Variants in NDEL1 observed in about 807,000 individuals in gnomAD.
NDEL1 encodes the protein nuclear distribution protein nudE-like 1.
Under a neutral mutation model 45.7 loss-of-function variants are expected in NDEL1, and 9 were observed. The observed-to-expected ratio is 0.20, with a 90% CI of 0.12 to 0.34. The LOEUF (loss-of-function observed/expected upper bound fraction) is 0.34, where lower values mean the gene tolerates loss of function less well. Among genes scored for constraint, NDEL1 ranks in the 10% least tolerant of loss-of-function variants. The pLI is 1.00. For missense variants in NDEL1, 306 were observed against 406.2 expected (o/e 0.75, Z 2.12); for synonymous variants, 133 against 158.6 (o/e 0.84, Z 1.21).
At chr17:8,450,294 A>AG (rs1355938703) in intron 5 of NDEL1, among the ~76,000 whole-genome samples, 1 of 145,490 alleles carries the variant, frequency 6.9e-6, no homozygotes, top group Non-Finnish European at 1.6e-5. Flanking sequence ...GTCTCAAAAA[A>AG]AAAAAAAAAC....
chr17:8,470,253 G>A (rs572250883), downstream of NDEL1, among the ~76,000 whole-genome samples: 146 of 152,154 alleles, frequency 9.6e-4, 2 homozygotes, highest in African/African-American at 3.3e-3. This position sits in a 1 kb window ranked among gnomAD's most constrained non-coding sequence, Gnocchi z 4.2. Flanking sequence ...TGGAGCTGCC[G>A]GGTACCTGGT....
At chr17:8,455,344 T>C (rs1910763210) in intron 7 of NDEL1, among the ~76,000 whole-genome samples, 1 of 152,212 alleles carries the variant, frequency 6.6e-6, no homozygotes, top group Admixed American at 6.5e-5. Context: ...TCAACTTCAG[T>C]GCCTTCTCCT....
At chr17:8,473,002 T>C (rs1211183976), downstream of NDEL1, among the ~76,000 whole-genome samples, 2 of 152,184 alleles carry the variant, frequency 1.3e-5, no homozygotes, top group African/African-American at 4.8e-5. Context: ...CAACGAAGGT[T>C]GTATAAACTA....
chr17:8,435,786 A>AGCCCCGCCCCAC (rs1909263698), upstream of NDEL1: 4 of 370,856 alleles, frequency 1.1e-5, no homozygotes, highest in Middle Eastern at 9.1e-4. Context: ...CCCCTGTGAC[A>AGCCCCGCCCCAC]CCAGCCCCGC....
intron 8 of NDEL1, chr17:8,466,597 G>T (rs1263517285): frequency 1.7e-5 from 4 of 240,808 alleles, no homozygotes; most frequent in African/African-American, 6.8e-5. Context: ...ATATCTTATT[G>T]TTCAGTTGTA....
chr17:8,439,928 CA>C (rs1056732717), intron 1 of NDEL1, among the ~76,000 whole-genome samples: 1 of 152,134 alleles, frequency 6.6e-6, no homozygotes, highest in African/African-American at 2.4e-5. Context: ...CAAGGTCACC[CA>C]AGTAGTGAGT....
In NDEL1 at chr17:8,435,963, A is replaced by G. The variant is rs1409542418; in HGVS notation, c.-95A>G. 2.2e-6 allele frequency: 1 copy of G among 448,054 alleles called. No individual in the cohort carries two copies. The highest frequency in any genetic ancestry group is 4.5e-6 in the Non-Finnish European group (1 of 223,686). The allele number at this position is 448,054 out of a possible 1,614,324, so 27.8% of individuals were successfully genotyped here. A position where few individuals can be genotyped will look rare whatever the true frequency, so the allele number is the denominator to read the frequency against. On this transcript the variant is annotated 5_prime_UTR_variant, in exon 1 of 9. Coordinates refer to ENST00000334527, the MANE Select transcript of NDEL1 (RefSeq NM_030808.5). ...GGGGCTGCGTAGGGGAGCTGAGCCG[A>G]GCGGCTGGGCGGGCCTGGCCGGGCC... is the stretch of plus-strand genomic sequence containing the variant.
In NDEL1 at chr17:8,445,916, G is replaced by A. The variant is rs370542882; in HGVS notation, c.240+52G>A. 1.4e-5 allele frequency: 19 copies of A among 1,366,118 alleles called. No homozygotes were observed. The African/African-American group carries it at 2.7e-4, about 19-fold the overall frequency. The allele number at this position is 1,366,118 out of a possible 1,614,324, so 84.6% of individuals were successfully genotyped here. On this transcript the variant is annotated intron_variant, in intron 3 of 8. Coordinates refer to ENST00000334527, the MANE Select transcript of NDEL1 (RefSeq NM_030808.5). The stretch of plus-strand genomic sequence containing the variant: ...CTAATGTGTTGAGTTTTATTAAAAT[G>A]AGAAATATGTTTTTCAGGTGCTTAA...
At chr17:8,456,359 CAT>C (rs1263985018) in intron 7 of NDEL1, among the ~76,000 whole-genome samples, 2 of 152,098 alleles carry the variant, frequency 1.3e-5, no homozygotes, top group African/African-American at 4.8e-5. Flanking sequence ...AACTTGAAAT[CAT>C]GTGCTTATTT....
chr17:8,470,273 C>T (rs986986554), downstream of NDEL1, among the ~76,000 whole-genome samples: 1 of 152,096 alleles, frequency 6.6e-6, no homozygotes, highest in African/African-American at 2.4e-5. This position sits in a 1 kb window ranked among gnomAD's most constrained non-coding sequence, Gnocchi z 4.2. Context: ...TTTTGCATGG[C>T]TCTCCATGAA....
At chr17:8,441,564 A>G (rs921659460) in intron 1 of NDEL1, among the ~76,000 whole-genome samples, 2 of 152,222 alleles carry the variant, frequency 1.3e-5, no homozygotes, top group African/African-American at 4.8e-5. Flanking sequence ...TTATATAAGG[A>G]TCAGGACTTT....
downstream of NDEL1, among the ~76,000 whole-genome samples, chr17:8,472,190 T>G (rs2151748360): frequency 6.6e-6 from 1 of 152,306 alleles, no homozygotes; most frequent in East Asian, 1.9e-4. Flanking sequence ...CCTGGGTCGG[T>G]CATACCCAGA....
At chr17:8,457,058 C>T (rs1290476827) in intron 7 of NDEL1, among the ~76,000 whole-genome samples, 1 of 152,172 alleles carries the variant, frequency 6.6e-6, no homozygotes, top group African/African-American at 2.4e-5. Context: ...GAATTTTGTT[C>T]TTTAACTGTA....
chr17:8,432,844 A>G (rs1909052208), upstream of NDEL1, among the ~76,000 whole-genome samples: 1 of 152,182 alleles, frequency 6.6e-6, no homozygotes. Flanking sequence ...GGTCTCTCTG[A>G]TGAAGGTTTC....
rs1264645053 is a variant in NDEL1, at chr17:8,444,342, T to C, written c.71T>C (p.Leu24Ser). The C allele has an allele frequency of 6.2e-7, 1 of 1,611,842 alleles. No homozygotes were observed. Among genetic ancestry groups the C allele is most frequent in the African/African-American group, 1.3e-5 (1 of 74,880 alleles). Residue 24 changes from leucine (L) to serine (S), a missense_variant, in exon 2 of 9, where the codon TTG becomes TCG. By Grantham distance (145) the Leu-to-Ser change is moderately radical. Around this residue, in one of 3 missense-constraint regions of NDEL1, gnomAD observed 112 missense variants for 148.3 expected, o/e 0.76. Coordinates refer to ENST00000334527, the MANE Select transcript of NDEL1 (RefSeq NM_030808.5). The part of the protein sequence containing the change: ...EETAYWKELS[L>S]KYKQSFQEAR... ...ACTGCTTATTGGAAGGAACTTTCCTTGAAGTATAAGCAAAGGTAATGTTGG... is the reference window on the plus strand; with the variant it reads ...ACTGCTTATTGGAAGGAACTTTCCTCGAAGTATAAGCAAAGGTAATGTTGG...
chr17:8,426,506 T>A (rs1164589833), intron 1 of NDEL1, among the ~76,000 whole-genome samples: 1 of 152,202 alleles, frequency 6.6e-6, no homozygotes, highest in Non-Finnish European at 1.5e-5. Context: ...CCCTTGGGGT[T>A]GCCAGGTGTT....
At chr17:8,463,370 T>C in intron 8 of NDEL1, 4 of 1,612,080 alleles carry the variant, frequency 2.5e-6, no homozygotes, top group Non-Finnish European at 3.4e-6. Context: ...TGAATTTGTT[T>C]GCTGTGCTCT....
chr17:8,457,269 T>C (rs1910903433), intron 7 of NDEL1, among the ~76,000 whole-genome samples: 1 of 152,238 alleles, frequency 6.6e-6, no homozygotes, highest in East Asian at 1.9e-4. Flanking sequence ...TGCTGCATTG[T>C]TGTCGCCCTC....
chr17:8,448,210 A>G (rs1253067328), intron 4 of NDEL1, among the ~76,000 whole-genome samples: 1 of 152,236 alleles, frequency 6.6e-6, no homozygotes, highest in African/African-American at 2.4e-5. Context: ...AAACTCTTAC[A>G]TATATTACAA....
Sources: allele counts gnomAD v4.1 joint callset (sites outside exome capture counted in the v4.1 genomes callset), GRCh38; gene constraint gnomAD v4.1.1; regional missense constraint gnomAD v4.1.1; non-coding constraint Gnocchi (gnomAD v3.1); transcripts MANE v1.5; gene names NCBI Gene and HGNC (gene_info 2026-07-23, HGNC 2026-07-21).